The following ARHGAP9 variants were observed in gnomAD, a reference collection of about 807,000 sequenced individuals.
The protein encoded by ARHGAP9 is Rho GTPase activating protein 9, also known as rho GTPase-activating protein 9.
In ARHGAP9, 76 loss-of-function variants were observed where a neutral mutation model predicts 87.3. The ratio of observed to expected loss-of-function variants is 0.87; its 90% confidence interval spans 0.72 to 1.05. The LOEUF (loss-of-function observed/expected upper bound fraction) is 1.05. ARHGAP9 is among the 50% of genes least tolerant of loss of function. ARHGAP9 has a pLI of 0.00. For synonymous variants in ARHGAP9, 382 were observed against 394.9 expected (o/e 0.97, Z 0.39); for missense variants, 941 against 960.5 (o/e 0.98, Z 0.27).
At chr12:57,479,555 G>T in intron 1 of ARHGAP9, 131 bp from the exon 2 acceptor site, 1 of 1,503,774 alleles carries the variant, frequency 6.6e-7, no homozygotes, top group Non-Finnish European at 8.9e-7. Context: ...GGAGAGGGTA[G>T]AGCAAACAGC....
At chr12:57,482,245 T>A (rs893382218), upstream of ARHGAP9, among the ~76,000 whole-genome samples, 12 of 139,392 alleles carry the variant, frequency 8.6e-5, no homozygotes, top group South Asian at 2.2e-4. Context: ...ACAAAAAAAA[T>A]TTTTTTTTTT....
At chr12:57,479,680 G>A in intron 1 of ARHGAP9, 50 bp downstream of exon 1, 4 of 1,550,838 alleles carry the variant, frequency 2.6e-6, no homozygotes, top group South Asian at 1.2e-5. Context: ...TGGCCAGCAA[G>A]GCAGGAAATT....
In ARHGAP9 at chr12:57,472,688, C is replaced by T. The variant is rs1262091100; in HGVS notation, c.2025G>A (p.Arg675=). The T allele has an allele frequency of 1.9e-6, 3 of 1,613,982 alleles. No individual in the cohort carries two copies. The highest frequency in any genetic ancestry group is 2.5e-6 in the Non-Finnish European group (3 of 1,180,006). ...GATTCTTATCTGAGTGTGCTATCAC[C>T]CTGTAAGCAAAGGCCAAGGAAGGGG... ...TLRYLLEHLC[R]VIAHSDKNRM... is the part of the protein sequence containing the mutation. The change falls in exon 18 of 18, where the codon AGG becomes AGA. Residue 675 remains arginine (R), a splice_region_variant and synonymous_variant. Coordinates refer to ENST00000393791, the MANE Select transcript of ARHGAP9 (RefSeq NM_032496.4).
chr12:57,488,614 C>T, exon 1 of ARHGAP9: 3 of 1,551,072 alleles, frequency 1.9e-6, no homozygotes, highest in South Asian at 1.2e-5. Flanking sequence ...CTGTTTACCT[C>T]TTCTCATTCT....
intron 9 of ARHGAP9, 48 bp from the exon 10 acceptor site, chr12:57,475,979 T>G: frequency 6.4e-7 from 1 of 1,571,684 alleles, no homozygotes; most frequent in Non-Finnish European, 8.6e-7. Context: ...AGGAGTATAA[T>G]AAGCAGGGAG....
intron 1 of ARHGAP9, among the ~76,000 whole-genome samples, chr12:57,486,199 C>T (rs1565634032): frequency 1.3e-5 from 2 of 152,120 alleles, no homozygotes. Context: ...AGAAGCGTCC[C>T]TTTCTCAATA....
At chr12:57,477,972 T>TG in intron 3 of ARHGAP9, 1 of 1,224,030 alleles carries the variant, frequency 8.2e-7, no homozygotes, top group Non-Finnish European at 1.0e-6. Context: ...TTTTGTGGGG[T>TG]GGGGGGAATG....
At chr12:57,480,728 T>G, upstream of ARHGAP9, 1 of 1,525,420 alleles carries the variant, frequency 6.6e-7, no homozygotes, top group Admixed American at 2.0e-5. Context: ...GGAAGTGACC[T>G]TCCCTGGATT....
chr12:57,487,501 A>G (rs1875517609), intron 1 of ARHGAP9: 1 of 152,412 alleles, frequency 6.6e-6, no homozygotes. Context: ...GTAAGAGGAT[A>G]AAAGTGCGAC....
rs1872489637 is a variant in ARHGAP9 at position 57,473,378 on chromosome 12, A to G, written c.2024+225T>C. On this transcript the variant is annotated intron_variant, in intron 17 of 17. Coordinates refer to ENST00000393791, the MANE Select transcript of ARHGAP9 (RefSeq NM_032496.4). ...CAGTGAGCTGAAATTGCGCCACTGC[A>G]CTCCAGTCTGGGTGACAGAGCGAGA... 3.9e-5 allele frequency among the ~76,000 whole-genome samples: 6 copies of G among 152,262 alleles called. No individual in the cohort carries two copies. In the South Asian group the frequency reaches 1.2e-3, roughly 32 times the overall value.
At chr12:57,480,521 G>A (rs1395115930), upstream of ARHGAP9, among the ~76,000 whole-genome samples, 1 of 152,148 alleles carries the variant, frequency 6.6e-6, no homozygotes, top group Non-Finnish European at 1.5e-5. Flanking sequence ...AGTGCCTCCT[G>A]CGTGCAAGGA....
At chr12:57,487,897 G>T in intron 1 of ARHGAP9, 4 of 556,036 alleles carry the variant, frequency 7.2e-6, no homozygotes, top group Non-Finnish European at 6.4e-6. Context: ...CCGCATCTGC[G>T]GCCTCTTCAT....
At chr12:57,476,755 G>T in intron 6 of ARHGAP9, 104 bp from the exon 7 acceptor site, 1 of 1,559,660 alleles carries the variant, frequency 6.4e-7, no homozygotes, top group Non-Finnish European at 8.8e-7. Context: ...TAAAGTTGCT[G>T]GGGGAGGGCT....
upstream of ARHGAP9, chr12:57,484,127 C>T (rs183020573): frequency 7.8e-3 from 1,490 of 189,830 alleles, 13 homozygotes; most frequent in Non-Finnish European, 0.013. Flanking sequence ...CCGAAGCAGG[C>T]GAATCACAAG....
At chr12:57,483,664 C>A (rs190034113), upstream of ARHGAP9, among the ~76,000 whole-genome samples, 1 of 152,166 alleles carries the variant, frequency 6.6e-6, no homozygotes, top group East Asian at 1.9e-4. Context: ...GCCTGAAACA[C>A]GTCCCTTCTC....
chr12:57,480,842 G>A, upstream of ARHGAP9: 1 of 1,550,328 alleles, frequency 6.5e-7, no homozygotes, highest in Non-Finnish European at 8.7e-7. Flanking sequence ...TTTCTGTTTG[G>A]GTTTGGAGAG....
In ARHGAP9 at chr12:57,475,525, C is replaced by A; in HGVS notation, c.1402G>T (p.Val468Leu). 1 of 1,604,746 alleles carries A rather than the reference C, an allele frequency of 6.2e-7. No homozygotes were observed. Among genetic ancestry groups the A allele is most frequent in the African/African-American group, 1.3e-5 (1 of 74,928 alleles). ...GEDEEEESELVSKPLLRLSSR... is the reference protein window; with the variant it reads ...GEDEEEESELLSKPLLRLSSR... ...CTGAGGCGCAGCAGCGGCTTGGACACCAGCTCCGACTCCTCTTCTTCGTCC... is the reference window on the plus strand; with the variant it reads ...CTGAGGCGCAGCAGCGGCTTGGACAACAGCTCCGACTCCTCTTCTTCGTCC... The change falls in exon 11 of 18, where the codon GTG becomes TTG. Residue 468 changes from valine (V) to leucine (L), a missense_variant. Physicochemically the swap from Val to Leu is conservative, Grantham distance 32. Transcript: ENST00000393791.
intron 10 of ARHGAP9, 81 bp from the exon 11 acceptor site, chr12:57,475,696 G>T: frequency 6.4e-7 from 1 of 1,559,430 alleles, no homozygotes; most frequent in Non-Finnish European, 8.7e-7. Context: ...CACTGCCGGG[G>T]TCCCACATCC....
chr12:57,484,148 C>T (rs1382010715), upstream of ARHGAP9: 2 of 182,870 alleles, frequency 1.1e-5, no homozygotes, highest in South Asian at 1.5e-4. Flanking sequence ...GTCAGGAGTT[C>T]GAGATCAGCC....
Sources: allele counts gnomAD v4.1 joint callset (sites outside exome capture counted in the v4.1 genomes callset), GRCh38; gene constraint gnomAD v4.1.1; transcripts MANE v1.5; gene names NCBI Gene and HGNC (gene_info 2026-07-23, HGNC 2026-07-21).